PTPRM: variants seen among roughly 807,000 people sequenced by gnomAD.
PTPRM encodes the protein protein tyrosine phosphatase receptor type M, also known as receptor-type tyrosine-protein phosphatase mu.
In PTPRM, 47 loss-of-function variants were observed where a neutral mutation model predicts 186.7. That is an observed-to-expected ratio of 0.25 (90% CI 0.20 to 0.32). The LOEUF (loss-of-function observed/expected upper bound fraction) is 0.32. Among genes scored for constraint, PTPRM ranks in the 10% least tolerant of loss-of-function variants. The pLI, the probability that PTPRM is intolerant of heterozygous loss-of-function variation, is 1.00. For missense variants in PTPRM, 1,494 were observed against 1,865.0 expected, an observed-to-expected ratio of 0.80 and a Z score of 3.66; for synonymous variants, 668 against 674.9, an observed-to-expected ratio of 0.99 and a Z score of 0.16.
At chr18:7,963,548 CT>C (rs2053821440) in intron 7 of PTPRM, among the ~76,000 whole-genome samples, 1 of 152,238 alleles carries the variant, frequency 6.6e-6, no homozygotes, top group African/African-American at 2.4e-5. Context: ...TGCTCCTCAA[CT>C]TCCTCTAGGC....
intron 20 of PTPRM, among the ~76,000 whole-genome samples, chr18:8,299,396 G>C (rs531979652): frequency 6.6e-6 from 1 of 152,170 alleles, no homozygotes; most frequent in African/African-American, 2.4e-5. Flanking sequence ...AGACCAACCT[G>C]GCAAACATGG....
chr18:7,810,359 A>AT (rs1255072022), intron 2 of PTPRM, among the ~76,000 whole-genome samples: 37 of 152,350 alleles, frequency 2.4e-4, no homozygotes, highest in Middle Eastern at 3.4e-3. Flanking sequence ...AACTGTGAGG[A>AT]TACAGTGTGT....
chr18:8,312,226 A>T (rs563480111), intron 20 of PTPRM, among the ~76,000 whole-genome samples: 2 of 152,154 alleles, frequency 1.3e-5, no homozygotes, highest in Admixed American at 1.3e-4. Flanking sequence ...CAGTAGTTGC[A>T]TGTAGGCACT....
chr18:8,103,886 T>C (rs2145578398), intron 11 of PTPRM, among the ~76,000 whole-genome samples: 1 of 152,346 alleles, frequency 6.6e-6, no homozygotes, highest in South Asian at 2.1e-4. Flanking sequence ...CTTGCAACTC[T>C]TCCTTTCACT....
chr18:8,325,769 A>G (rs2095372069), intron 22 of PTPRM, among the ~76,000 whole-genome samples: 1 of 151,616 alleles, frequency 6.6e-6, no homozygotes, highest in African/African-American at 2.4e-5. Context: ...GCTTTCCACA[A>G]TGGCTGAACT....
At chr18:7,624,924 G>C (rs2038024113) in intron 1 of PTPRM, among the ~76,000 whole-genome samples, 1 of 152,220 alleles carries the variant, frequency 6.6e-6, no homozygotes, top group Non-Finnish European at 1.5e-5. Flanking sequence ...CCTGGTGTGT[G>C]TGTGGCGAGC....
At chr18:7,622,062 G>T (rs1598551249) in intron 1 of PTPRM, among the ~76,000 whole-genome samples, 1 of 152,270 alleles carries the variant, frequency 6.6e-6, no homozygotes, top group South Asian at 2.1e-4. Flanking sequence ...TAAGTGGCTA[G>T]ACCATTTCTC....
intron 2 of PTPRM, 39 bp from the exon 3 acceptor site, chr18:7,888,067 T>C (rs755274800): frequency 6.2e-7 from 1 of 1,613,204 alleles, no homozygotes; most frequent in South Asian, 1.1e-5. Flanking sequence ...CAGAAAGTAG[T>C]GTTTCAGGGT....
At chr18:7,810,248 A>G (rs1055613055) in intron 2 of PTPRM, among the ~76,000 whole-genome samples, 5 of 152,204 alleles carry the variant, frequency 3.3e-5, no homozygotes, top group Admixed American at 6.5e-5. Context: ...AGCTTGAGAT[A>G]TGAATGAAGA....
chr18:7,983,408 G>C (rs1350279698), intron 7 of PTPRM, among the ~76,000 whole-genome samples: 2 of 152,070 alleles, frequency 1.3e-5, no homozygotes, highest in African/African-American at 4.8e-5. Context: ...GTGCCAAAAA[G>C]TTTGGGGCCT....
intron 1 of PTPRM, among the ~76,000 whole-genome samples, chr18:7,570,437 C>T (rs2036539130): frequency 6.6e-6 from 1 of 152,314 alleles, no homozygotes; most frequent in South Asian, 2.1e-4. Context: ...TCGTTTTCTT[C>T]TGACTTTCTC....
At chr18:7,604,948 G>A (rs2037494194) in intron 1 of PTPRM, among the ~76,000 whole-genome samples, 6 of 152,054 alleles carry the variant, frequency 3.9e-5, no homozygotes, top group Admixed American at 3.9e-4. Context: ...GCTGCTATAG[G>A]TCCTCAAAAT....
intron 29 of PTPRM, among the ~76,000 whole-genome samples, 191 bp from the exon 30 acceptor site, chr18:8,384,370 G>A (rs2095757944): frequency 6.6e-6 from 1 of 152,002 alleles, no homozygotes; most frequent in African/African-American, 2.4e-5. Context: ...AGGTGCAAGG[G>A]TTGCTTGAGC....
chr18:7,926,478 A>G, intron 4 of PTPRM, 90 bp from the exon 5 acceptor site: 1 of 926,506 alleles, frequency 1.1e-6, no homozygotes, highest in Non-Finnish European at 1.5e-6. Context: ...AACAAAATTG[A>G]AAGGCCAAAA....
intron 5 of PTPRM, among the ~76,000 whole-genome samples, chr18:7,927,776 A>G (rs28376185): frequency 0.16 from 24,466 of 152,138 alleles, 2,296 homozygotes; most frequent in Middle Eastern, 0.32. Context: ...TCTTAGAGAC[A>G]GGGTTTCTCT....
chr18:8,403,856 C>A (rs1243285216), intron 32 of PTPRM: 1 of 152,218 alleles, frequency 6.6e-6, no homozygotes, highest in Non-Finnish European at 1.5e-5. Context: ...TCAGCAGATT[C>A]ATCCATGCTT....
intron 2 of PTPRM, among the ~76,000 whole-genome samples, chr18:7,832,582 T>C (rs1451875456): frequency 6.6e-6 from 1 of 152,166 alleles, no homozygotes; most frequent in Non-Finnish European, 1.5e-5. Context: ...CTTCATATGG[T>C]TGATTATTTC....
chr18:7,784,427 T>C (rs1661496080), intron 2 of PTPRM, among the ~76,000 whole-genome samples: 1 of 152,104 alleles, frequency 6.6e-6, no homozygotes, highest in African/African-American at 2.4e-5. Flanking sequence ...ACCAGTTTTA[T>C]GTAATAGTTC....
chr18:7,694,169 C>T (rs182847060), intron 1 of PTPRM, among the ~76,000 whole-genome samples: 1 of 152,234 alleles, frequency 6.6e-6, no homozygotes, highest in East Asian at 1.9e-4. Flanking sequence ...TGTTACGTTT[C>T]CCTTGTATTG....
Sources: gnomAD v4.1 joint callset for allele counts (sites outside exome capture counted in the v4.1 genomes callset) on GRCh38, gnomAD v4.1.1 for gene constraint, MANE v1.5 for transcripts, NCBI Gene and HGNC (gene_info 2026-07-23, HGNC 2026-07-21) for gene names.